NRXN3: variants seen among roughly 807,000 people sequenced by gnomAD.
The protein encoded by NRXN3 is neurexin 3.
In NRXN3, 32 loss-of-function variants were observed where a neutral mutation model predicts 137.6. The observed-to-expected ratio is 0.23, with a 90% confidence interval of 0.18 to 0.31. The LOEUF (loss-of-function observed/expected upper bound fraction) is 0.31, where lower values mean the gene tolerates loss of function less well. Among genes scored for constraint, NRXN3 ranks in the 10% least tolerant of loss-of-function variants. The probability of loss-of-function intolerance (pLI) is 1.00; values close to 1 mark genes in which losing one functional copy is unlikely to be tolerated. For missense variants in NRXN3, 1,574 were observed against 2,062.5 expected (o/e 0.76, Z 4.59); for synonymous variants, 798 against 784.5 (o/e 1.02, Z -0.29).
intron 15 of NRXN3, among the ~76,000 whole-genome samples, chr14:79,019,653 A>G (rs1371353108): frequency 1.3e-5 from 2 of 152,304 alleles, no homozygotes; most frequent in Non-Finnish European, 2.9e-5. Flanking sequence ...TAGAAGAATT[A>G]CAGCATCCTA....
chr14:78,588,381 T>A (rs1218938235), intron 4 of NRXN3, among the ~76,000 whole-genome samples: 3 of 152,226 alleles, frequency 2.0e-5, no homozygotes, highest in Admixed American at 6.5e-5. Context: ...CAATCACAAG[T>A]AAATTACTGC....
At chr14:78,315,141 A>G (rs1033857297) in intron 4 of NRXN3, among the ~76,000 whole-genome samples, 9 of 151,350 alleles carry the variant, frequency 5.9e-5, no homozygotes, top group Non-Finnish European at 1.2e-4. Flanking sequence ...CCTCCTGAGT[A>G]CCTGGGATTA....
intron 16 of NRXN3, among the ~76,000 whole-genome samples, chr14:79,652,404 T>TAAACA (rs748299705): frequency 6.6e-6 from 1 of 152,004 alleles, no homozygotes; most frequent in African/African-American, 2.4e-5. Context: ...TCATGGATAA[T>TAAACA]TTGTGTATCT....
intron 3 of NRXN3, among the ~76,000 whole-genome samples, chr14:78,286,527 A>G (rs1232597147): frequency 6.6e-6 from 1 of 152,130 alleles, no homozygotes; most frequent in African/African-American, 2.4e-5. Flanking sequence ...TCAGTTTGCT[A>G]GGCTAGGCCT....
chr14:79,501,491 A>G (rs2153673075), intron 16 of NRXN3, among the ~76,000 whole-genome samples: 1 of 152,312 alleles, frequency 6.6e-6, no homozygotes, highest in South Asian at 2.1e-4. Flanking sequence ...GGCATAAGCT[A>G]AGGGTTAGGA....
intron 8 of NRXN3, among the ~76,000 whole-genome samples, chr14:78,750,084 G>A (rs1199317430): frequency 6.6e-6 from 1 of 152,230 alleles, no homozygotes; most frequent in African/African-American, 2.4e-5. Flanking sequence ...TGTCATGGAA[G>A]GTTCCATGAA....
intron 10 of NRXN3, among the ~76,000 whole-genome samples, chr14:78,909,329 G>C (rs1007472357): frequency 6.6e-6 from 1 of 152,126 alleles, no homozygotes; most frequent in Non-Finnish European, 1.5e-5. Context: ...AAGAGCAAAG[G>C]TCATTGCAAC....
intron 15 of NRXN3, among the ~76,000 whole-genome samples, chr14:79,387,872 A>G (rs1201937145): frequency 1.4e-5 from 2 of 146,608 alleles, no homozygotes; most frequent in African/African-American, 5.1e-5. Flanking sequence ...CAAACACCGC[A>G]TGTTCTCACT....
intron 15 of NRXN3, among the ~76,000 whole-genome samples, chr14:79,419,791 T>C (rs77362730): frequency 6.6e-6 from 1 of 152,108 alleles, no homozygotes; most frequent in East Asian, 1.9e-4. Context: ...GACCTAAGGA[T>C]TGGATTACAT....
intron 15 of NRXN3, among the ~76,000 whole-genome samples, chr14:79,148,848 A>G (rs529628995): frequency 2.6e-5 from 4 of 152,180 alleles, no homozygotes; most frequent in Non-Finnish European, 4.4e-5. Flanking sequence ...CCTCCCTTTA[A>G]AGAGTGTTTT....
At chr14:78,501,364 C>T (rs1032173804) in intron 4 of NRXN3, among the ~76,000 whole-genome samples, 26 of 152,120 alleles carry the variant, frequency 1.7e-4, no homozygotes, top group African/African-American at 6.3e-4. Flanking sequence ...TGGCCAGATC[C>T]CTCCCTCATT....
chr14:78,775,693 T>C (rs2098742754), intron 8 of NRXN3, among the ~76,000 whole-genome samples: 1 of 152,216 alleles, frequency 6.6e-6, no homozygotes. Flanking sequence ...TATCATAAAC[T>C]ATTCTCTTTT....
At chr14:78,960,228 G>C (rs1265424039) in intron 11 of NRXN3, among the ~76,000 whole-genome samples, 2 of 152,168 alleles carry the variant, frequency 1.3e-5, no homozygotes, top group African/African-American at 2.4e-5. Context: ...AAAGAAATTT[G>C]AGAGGGGAAA....
At chr14:79,201,902 TC>T (rs1369917198) in intron 15 of NRXN3, among the ~76,000 whole-genome samples, 1 of 152,180 alleles carries the variant, frequency 6.6e-6, no homozygotes, top group African/African-American at 2.4e-5. Flanking sequence ...ACTATTACTA[TC>T]CTTATTGTAC....
intron 16 of NRXN3, among the ~76,000 whole-genome samples, chr14:79,544,233 A>G (rs1190235885): frequency 2.6e-5 from 4 of 152,234 alleles, no homozygotes; most frequent in Non-Finnish European, 5.9e-5. Flanking sequence ...GTCATTGAAC[A>G]AGCGCTACAG....
chr14:78,874,920 CGAGA>C (rs774710844), intron 10 of NRXN3, among the ~76,000 whole-genome samples: 4 of 152,080 alleles, frequency 2.6e-5, no homozygotes, highest in Non-Finnish European at 5.9e-5. Flanking sequence ...GTGTCAAGTC[CGAGA>C]GTGAGAATCC....
At chr14:79,848,431 A>G (rs1369668579) in intron 20 of NRXN3, among the ~76,000 whole-genome samples, 1 of 152,162 alleles carries the variant, frequency 6.6e-6, no homozygotes, top group Non-Finnish European at 1.5e-5. Flanking sequence ...AAACTTTCTT[A>G]AAACATTGAG....
At chr14:78,737,874 A>G (rs1305745424) in intron 8 of NRXN3, among the ~76,000 whole-genome samples, 1 of 152,030 alleles carries the variant, frequency 6.6e-6, no homozygotes, top group Non-Finnish European at 1.5e-5. Flanking sequence ...GGTACTGCTT[A>G]CCTGCTATCA....
chr14:78,558,929 T>C (rs1261402191), intron 4 of NRXN3, among the ~76,000 whole-genome samples: 1 of 152,240 alleles, frequency 6.6e-6, no homozygotes, highest in African/African-American at 2.4e-5. Flanking sequence ...ACCAGGTCTT[T>C]CTGACATCAA....
Sources: allele counts gnomAD v4.1 joint callset (sites outside exome capture counted in the v4.1 genomes callset), GRCh38; gene constraint gnomAD v4.1.1; transcripts MANE v1.5; gene names NCBI Gene and HGNC (gene_info 2026-07-23, HGNC 2026-07-21).